Variants in NXPH2 observed in about 807,000 individuals in gnomAD.
The protein encoded by NXPH2 is neurexophilin 2.
Under a neutral mutation model 19.8 loss-of-function variants are expected in NXPH2, and 5 were observed. The ratio of observed to expected loss-of-function variants is 0.25; its 90% CI spans 0.13 to 0.53. The LOEUF (loss-of-function observed/expected upper bound fraction) is 0.53, where lower values mean the gene tolerates loss of function less well. Ranked by LOEUF, NXPH2 falls within the 20% of genes least tolerant of loss-of-function variation. The pLI, the probability that NXPH2 is intolerant of heterozygous loss-of-function variation, is 0.96. For synonymous variants in NXPH2, 154 were observed against 127.4 expected, an observed-to-expected ratio of 1.21 and a Z score of -1.41; for missense variants, 289 against 322.8, an observed-to-expected ratio of 0.90 and a Z score of 0.80.
chr2:138,765,472 C>T (rs1682075823), intron 1 of NXPH2, among the ~76,000 whole-genome samples: 2 of 152,104 alleles, frequency 1.3e-5, no homozygotes, highest in African/African-American at 4.8e-5. Flanking sequence ...CATAGGGTAC[C>T]TTCACAGATA....
intron 1 of NXPH2, among the ~76,000 whole-genome samples, chr2:138,777,435 G>A (rs1362225216): frequency 6.6e-6 from 1 of 152,116 alleles, no homozygotes; most frequent in Non-Finnish European, 1.5e-5. Flanking sequence ...CACAGGCCAG[G>A]AAAATGGGCA....
intron 1 of NXPH2, among the ~76,000 whole-genome samples, chr2:138,696,353 T>C (rs1680829021): frequency 6.6e-6 from 1 of 152,214 alleles, no homozygotes; most frequent in Admixed American, 6.5e-5. Context: ...ACAAAGGTCT[T>C]ATATCTAAAA....
intron 1 of NXPH2, among the ~76,000 whole-genome samples, chr2:138,741,248 G>A (rs1681637469): frequency 6.6e-6 from 1 of 152,160 alleles, no homozygotes; most frequent in Non-Finnish European, 1.5e-5. Flanking sequence ...GTCCATGGCA[G>A]TATAATGTTC....
In NXPH2 at chr2:138,669,252, T is replaced by C. The variant is rs1037670067; in HGVS notation, c.*1670A>G. Among the ~76,000 whole-genome samples, 2 of 152,152 alleles carry C rather than the reference T, an allele frequency of 1.3e-5. No homozygotes were observed. Among genetic ancestry groups the C allele is most frequent in the African/African-American group, 2.4e-5 (1 of 41,448 alleles). ...AAAATTCTAAGTATATATATATAGA[T>C]ATATGATTCCCACATATTTTACAAT... On this transcript the variant is annotated 3_prime_UTR_variant, in exon 2 of 2. Transcript: ENST00000272641.
chr2:138,771,447 T>C (rs1406359402), intron 1 of NXPH2, among the ~76,000 whole-genome samples: 1 of 151,272 alleles, frequency 6.6e-6, no homozygotes, highest in African/African-American at 2.4e-5. Context: ...GGGGTGAGGA[T>C]GGCTACTTAA....
At chr2:138,703,552 C>T (rs553894197) in intron 1 of NXPH2, among the ~76,000 whole-genome samples, 2 of 152,248 alleles carry the variant, frequency 1.3e-5, no homozygotes, top group East Asian at 1.9e-4. Flanking sequence ...TGGAGAGGTT[C>T]GCATATTACT....
intron 1 of NXPH2, among the ~76,000 whole-genome samples, chr2:138,710,574 T>C (rs151181434): frequency 9.3e-4 from 142 of 152,084 alleles, no homozygotes; most frequent in African/African-American, 3.3e-3. Flanking sequence ...CCAAGCAGAG[T>C]AGTTAGTTCA....
intron 1 of NXPH2, among the ~76,000 whole-genome samples, chr2:138,694,958 T>C (rs2104978310): frequency 6.6e-6 from 1 of 152,284 alleles, no homozygotes; most frequent in East Asian, 1.9e-4. Flanking sequence ...GGCTATATGG[T>C]ATGTAGTAAC....
intron 1 of NXPH2, among the ~76,000 whole-genome samples, chr2:138,774,114 A>G (rs1014217572): frequency 1.3e-5 from 2 of 152,228 alleles, no homozygotes; most frequent in African/African-American, 4.8e-5. Context: ...GAAGAACAGT[A>G]TTAATCTGTA....
intron 1 of NXPH2, among the ~76,000 whole-genome samples, chr2:138,764,548 G>A (rs180852239): frequency 9.2e-5 from 14 of 152,270 alleles, no homozygotes; most frequent in East Asian, 5.8e-4. Flanking sequence ...AGGCACATTA[G>A]GACAGCAATG....
chr2:138,779,837 G>A (rs950836689), intron 1 of NXPH2, among the ~76,000 whole-genome samples: 1 of 152,126 alleles, frequency 6.6e-6, no homozygotes, highest in African/African-American at 2.4e-5. Context: ...CAGGAGGAAG[G>A]TCTTTCTGCC....
chr2:138,755,809 C>T (rs1204917544), intron 1 of NXPH2, among the ~76,000 whole-genome samples: 2 of 152,086 alleles, frequency 1.3e-5, no homozygotes, highest in East Asian at 3.8e-4. Context: ...CAAACATGCA[C>T]TGGCTCTCCA....
Position 138,694,673 on chromosome 2 carries a change from T to A in NXPH2, c.52-23008A>T, listed in dbSNP as rs150015763. On this transcript the variant is annotated intron_variant, in intron 1 of 1. Coordinates refer to ENST00000272641, the MANE Select transcript of NXPH2 (RefSeq NM_007226.3). ...TTTAAGCCACCTGGAATGTGGTTTGTAGTATAGATGGTCTCTGACTTATGA... is the reference window on the plus strand; with the variant it reads ...TTTAAGCCACCTGGAATGTGGTTTGAAGTATAGATGGTCTCTGACTTATGA... Among the ~76,000 whole-genome samples the A allele has an allele frequency of 4.9e-3, 747 of 152,300 alleles. 22 individuals are homozygous for A. The highest frequency in any genetic ancestry group is 0.045 in the Admixed American group (691 of 15,284).
chr2:138,696,574 C>A lies in NXPH2; in HGVS notation c.52-24909G>T, dbSNP rs1448793669. Among the ~76,000 whole-genome samples the A allele has an allele frequency of 5.9e-5, 9 of 152,212 alleles. No homozygotes were observed. The East Asian group carries it at 1.5e-3, about 26-fold the overall frequency. On this transcript the variant is annotated intron_variant, in intron 1 of 1. Coordinates refer to ENST00000272641, the MANE Select transcript of NXPH2 (RefSeq NM_007226.3). The stretch of plus-strand genomic sequence containing the variant: ...TAGCACTCCATACCCACTAGAAGGG[C>A]TAAAATTAAAAAGACTGGCAGTATC...
intron 1 of NXPH2, among the ~76,000 whole-genome samples, chr2:138,729,859 G>A (rs1244662750): frequency 6.6e-6 from 1 of 152,120 alleles, no homozygotes; most frequent in Non-Finnish European, 1.5e-5. Context: ...TGTCTTCTTT[G>A]GTCAATAGGG....
At chr2:138,735,356 G>A (rs1352892075) in intron 1 of NXPH2, among the ~76,000 whole-genome samples, 1 of 152,160 alleles carries the variant, frequency 6.6e-6, no homozygotes, top group African/African-American at 2.4e-5. Context: ...AGGCCTCACA[G>A]TCATGGTGGA....
rs185764139 is a variant in NXPH2 at position 138,768,130 on chromosome 2, A to G, written c.51+12061T>C. Among the ~76,000 whole-genome samples the G allele has an allele frequency of 1.1e-3, 174 of 152,342 alleles. 1 individual carries two copies. The highest frequency in any genetic ancestry group is 7.1e-4 in the Non-Finnish European group (48 of 68,040). ...AATATCTTTTTGACTCTCTGAGAAT[A>G]CTAATTGGGCATTTTAAAAATTATA... On this transcript the variant is annotated intron_variant, in intron 1 of 1. Coordinates refer to ENST00000272641, the MANE Select transcript of NXPH2 (RefSeq NM_007226.3).
chr2:138,724,705 C>T (rs563154818), intron 1 of NXPH2, among the ~76,000 whole-genome samples: 13 of 152,340 alleles, frequency 8.5e-5, no homozygotes, highest in African/African-American at 2.6e-4. Context: ...TGAAACTCTA[C>T]TCCTCATAAT....
chr2:138,683,587 G>T (rs78114236), intron 1 of NXPH2, among the ~76,000 whole-genome samples: 1 of 152,252 alleles, frequency 6.6e-6, no homozygotes, highest in East Asian at 1.9e-4. Context: ...TCGGTCTTCA[G>T]GTACCATTAA....
Sources: allele counts gnomAD v4.1 joint callset (sites outside exome capture counted in the v4.1 genomes callset), GRCh38; gene constraint gnomAD v4.1.1; transcripts MANE v1.5; gene names NCBI Gene and HGNC (gene_info 2026-07-23, HGNC 2026-07-21).